The following MYO7A variants were observed in gnomAD, a reference collection of about 807,000 sequenced individuals.
The protein encoded by MYO7A is myosin VIIA, also known as unconventional myosin-VIIa.
Under a neutral mutation model 263.8 loss-of-function variants are expected in MYO7A, and 210 were observed. The observed-to-expected ratio is 0.80, with a 90% confidence interval of 0.71 to 0.89. The LOEUF (loss-of-function observed/expected upper bound fraction) is 0.89, where lower values mean the gene tolerates loss of function less well. Among genes scored for constraint, MYO7A ranks in the 40% least tolerant of loss-of-function variants. The pLI is 0.00. For missense variants in MYO7A, 2,820 were observed against 2,968.3 expected, an observed-to-expected ratio of 0.95 and a Z score of 1.16; for synonymous variants, 1,239 against 1,197.3, an observed-to-expected ratio of 1.03 and a Z score of -0.72.
rs143052204 is a variant in MYO7A at position 77,154,092 on chromosome 11, C to T, written c.286-1815C>T. Among the ~76,000 whole-genome samples the T allele has an allele frequency of 7.3e-3, 1,109 of 152,296 alleles. 9 individuals are homozygous for T. The highest frequency in any genetic ancestry group is 0.025 in the African/African-American group (1,033 of 41,560). On this transcript the variant is annotated intron_variant, in intron 4 of 48. Transcript: ENST00000409709. ...ATTGAGCCACTGCACCCAGCCTGGG[C>T]GACAGAGCGAGACTCTGCCTCAAAA... is the stretch of plus-strand genomic sequence containing the variant.
At chr11:77,164,632 G>A (rs1336930296) in intron 14 of MYO7A, among the ~76,000 whole-genome samples, 4 of 152,132 alleles carry the variant, frequency 2.6e-5, no homozygotes, top group African/African-American at 7.2e-5. Context: ...GGACTGTCAC[G>A]CAAACAAATT....
At chr11:77,160,921 G>T in intron 11 of MYO7A, 52 bp from the exon 12 acceptor site, 2 of 1,568,380 alleles carry the variant, frequency 1.3e-6, no homozygotes, top group Non-Finnish European at 8.6e-7. Context: ...AGCCTGGCCT[G>T]TCCCCCGGGG....
intron 3 of MYO7A, among the ~76,000 whole-genome samples, chr11:77,145,864 T>C (rs1951524006): frequency 6.6e-6 from 1 of 152,174 alleles, no homozygotes; most frequent in Admixed American, 6.5e-5. Flanking sequence ...GAGCCTGTTT[T>C]CTCATGTGAA....
At chr11:77,206,338 C>T (rs1452838482) in intron 41 of MYO7A, 136 bp downstream of exon 41, 13 of 677,264 alleles carry the variant, frequency 1.9e-5, no homozygotes, top group Admixed American at 8.6e-5. Context: ...GTAGTGGAGT[C>T]GGGGCTCAGG....
chr11:77,193,218 CTA>C (rs1248235963), intron 31 of MYO7A, among the ~76,000 whole-genome samples: 1 of 110,732 alleles, frequency 9.0e-6, no homozygotes, highest in Admixed American at 1.1e-4. Context: ...GTACTGATGA[CTA>C]TGGTAATATT....
chr11:77,138,456 G>A lies in MYO7A; in HGVS notation c.19-4253G>A, dbSNP rs1462786688. On this transcript the variant is annotated intron_variant, in intron 2 of 48. Transcript: ENST00000409709. This position sits in a 1 kb window ranked among gnomAD's most constrained non-coding sequence, Gnocchi z 4.9. ...CAGGAGGGGAGAAGGGAGGGGGAGG[G>A]CGCCTCGCCCCGGGCCTCAGTTTCC... Among the ~76,000 whole-genome samples the A allele has an allele frequency of 1.3e-5, 2 of 152,154 alleles. No individual in the cohort carries two copies. Among genetic ancestry groups the A allele is most frequent in the Non-Finnish European group, 2.9e-5 (2 of 68,002 alleles).
chr11:77,202,560 C>A lies in MYO7A; in HGVS notation c.5168+136C>A, dbSNP rs553641226. ...GCCTGGGTCAGAGGGAGCTGGAGGGCTGTTTCTGTCTGCCAGGATGACCCG... is the reference window on the plus strand; with the variant it reads ...GCCTGGGTCAGAGGGAGCTGGAGGGATGTTTCTGTCTGCCAGGATGACCCG... On this transcript the variant is annotated intron_variant, in intron 37 of 48. Transcript: ENST00000409709. 244 of 1,164,840 alleles carry A rather than the reference C, an allele frequency of 2.1e-4. 3 individuals are homozygous for A. The South Asian group carries it at 3.6e-3, about 17-fold the overall frequency. The allele number at this position is 1,164,840 out of a possible 1,614,324, so 72.2% of individuals were successfully genotyped here.
At chr11:77,154,284 A>T (rs1224599638) in intron 4 of MYO7A, among the ~76,000 whole-genome samples, 1 of 152,122 alleles carries the variant, frequency 6.6e-6, no homozygotes, top group Non-Finnish European at 1.5e-5. Context: ...TCCTAGTCTG[A>T]TGCAGGTTTC....
In MYO7A at chr11:77,182,014, G is replaced by A; in HGVS notation, c.2968G>A (p.Asp990Asn). Residue 990 changes from aspartate to asparagine, a missense_variant, in exon 24 of 49, where the codon GAC (aspartate) becomes AAC (asparagine). Coordinates refer to ENST00000409709, the MANE Select transcript of MYO7A (RefSeq NM_000260.4). ...EDLDAALPLP[D>N]EDEEDLSEYK... Reference sequence around the variant, plus strand: ...CCTGGATGCAGCCCTGCCCCTGCCTGACGAGGATGAGGAGGACCTCTCTGA... The same window carrying A: ...CCTGGATGCAGCCCTGCCCCTGCCTAACGAGGATGAGGAGGACCTCTCTGA... 8.1e-6 allele frequency: 13 copies of A among 1,613,406 alleles called. No individual in the cohort carries two copies. The highest frequency in any genetic ancestry group is 1.1e-5 in the Non-Finnish European group (13 of 1,179,802).
intron 2 of MYO7A, among the ~76,000 whole-genome samples, chr11:77,141,345 G>C (rs1951195945): frequency 6.6e-6 from 1 of 152,204 alleles, no homozygotes; most frequent in Non-Finnish European, 1.5e-5. Context: ...ACTCACCCAA[G>C]GCCGGGTAGG....
chr11:77,162,094 C>T (rs1555069198), intron 12 of MYO7A, 26 bp from the exon 13 acceptor site: 2 of 1,572,756 alleles, frequency 1.3e-6, no homozygotes, highest in South Asian at 1.2e-5. Flanking sequence ...GAACAACACC[C>T]TTACCCCATC....
At chr11:77,154,840 G>A (rs1352958747) in intron 4 of MYO7A, among the ~76,000 whole-genome samples, 1 of 152,102 alleles carries the variant, frequency 6.6e-6, no homozygotes, top group East Asian at 1.9e-4. Context: ...CCTGGGTCTT[G>A]GCCCCACCTG....
intron 14 of MYO7A, among the ~76,000 whole-genome samples, chr11:77,165,528 C>G (rs567531583): frequency 3.2e-4 from 49 of 152,338 alleles, no homozygotes; most frequent in African/African-American, 1.1e-3. Context: ...AGACAACTCA[C>G]TTAGCTTCTC....
chr11:77,162,548 G>A (rs143594689), intron 13 of MYO7A, among the ~76,000 whole-genome samples: 105 of 152,336 alleles, frequency 6.9e-4, no homozygotes, highest in African/African-American at 2.3e-3. Context: ...CATGCAGTTG[G>A]CATGGAATGG....
intron 36 of MYO7A, 110 bp downstream of exon 36, chr11:77,201,748 T>C: frequency 3.3e-6 from 4 of 1,223,278 alleles, no homozygotes; most frequent in Non-Finnish European, 4.5e-6. Context: ...GTGAAGATGA[T>C]CTTGGGATCT....
At position 77,182,475 on chromosome 11, in the gene MYO7A, G is replaced by A; in HGVS notation, c.3160G>A (p.Glu1054Lys). 1.2e-6 allele frequency: 2 copies of A among 1,613,462 alleles called. No individual in the cohort carries two copies. The highest frequency in any genetic ancestry group is 1.7e-6 in the Non-Finnish European group (2 of 1,179,850). Reference protein sequence around the residue: ...TILRFMGDLPEPKYHTAMSDG... With the variant: ...TILRFMGDLPKPKYHTAMSDG... The stretch of plus-strand genomic sequence containing the variant: ...CCTCCGCTTCATGGGGGACCTCCCT[G>A]AGCCCAAGTACCACACAGCCATGAG... Residue 1054 changes from glutamate to lysine, a missense_variant, in exon 25 of 49, where the codon GAG becomes AAG. Coordinates refer to ENST00000409709, the MANE Select transcript of MYO7A (RefSeq NM_000260.4).
At position 77,192,156 on chromosome 11, in the gene MYO7A, C is replaced by T. The variant is rs764523388; in HGVS notation, c.4030C>T (p.Leu1344Phe). ...CCAGGAGCGCAACGCCCCCTGGAGG[C>T]TCTTCTTCCGCAAAGAGGTCTTCAC... ...GAQERNAPWR[L>F]FFRKEVFTPW... The change falls in exon 31 of 49, where the codon CTC becomes TTC. Residue 1344 changes from leucine to phenylalanine, a missense_variant. Physicochemically the swap from Leu to Phe is conservative, Grantham distance 22. Coordinates refer to ENST00000409709, the MANE Select transcript of MYO7A (RefSeq NM_000260.4). The T allele has an allele frequency of 6.2e-7, 1 of 1,614,026 alleles. No individual in the cohort carries two copies. Among genetic ancestry groups the T allele is most frequent in the Non-Finnish European group, 8.5e-7 (1 of 1,179,904 alleles).
At chr11:77,147,973 C>G (rs1343315226) in intron 4 of MYO7A, 23 bp downstream of exon 4, 3 of 1,515,760 alleles carry the variant, frequency 2.0e-6, no homozygotes, top group Admixed American at 4.0e-5. Context: ...CCGCCCGGTG[C>G]CCGTCCAGGC....
rs1555065091 is a variant in MYO7A at position 77,157,921 on chromosome 11, C to G, written c.850-356C>G. Among the ~76,000 whole-genome samples the G allele has an allele frequency of 5.9e-5, 9 of 152,154 alleles. No individual in the cohort carries two copies. The South Asian group carries it at 1.9e-3, about 31-fold the overall frequency. ...GCAGTACCTGCCTAGGGGGTCGAGT[C>G]CCTGATAGTGGGTATCCCCGGGGGG... is the stretch of plus-strand genomic sequence containing the variant. On this transcript the variant is annotated intron_variant, in intron 8 of 48. Coordinates refer to ENST00000409709, the MANE Select transcript of MYO7A (RefSeq NM_000260.4).
Sources: allele counts gnomAD v4.1 joint callset (sites outside exome capture counted in the v4.1 genomes callset), GRCh38; gene constraint gnomAD v4.1.1; non-coding constraint Gnocchi (gnomAD v3.1); transcripts MANE v1.5; gene names NCBI Gene and HGNC (gene_info 2026-07-23, HGNC 2026-07-21).